PGM2: variants seen among roughly 807,000 people sequenced by gnomAD.
PGM2 encodes the protein phosphopentomutase.
Under a neutral mutation model 74.6 loss-of-function variants are expected in PGM2, and 57 were observed. That is an observed-to-expected ratio of 0.76 (90% CI 0.62 to 0.95). The LOEUF (loss-of-function observed/expected upper bound fraction) is 0.95, where lower values mean the gene tolerates loss of function less well. PGM2 is among the 40% of genes least tolerant of loss of function. The pLI, the probability that PGM2 is intolerant of heterozygous loss-of-function variation, is 0.00. For missense variants in PGM2, 706 were observed against 741.9 expected (o/e 0.95, Z 0.56); for synonymous variants, 273 against 260.7 (o/e 1.05, Z -0.46).
At chr4:37,861,439 A>T (rs926259074) in intron 13 of PGM2, 71 bp from the exon 14 acceptor site, 5 of 963,708 alleles carry the variant, frequency 5.2e-6, no homozygotes, top group Non-Finnish European at 6.7e-6. Flanking sequence ...CACTTGGTCA[A>T]TGGGGGGAGC....
At position 37,850,328 on chromosome 4, in the gene PGM2, G is replaced by A; in HGVS notation, c.1557G>A (p.Arg519=). Residue 519 remains arginine (R), a synonymous_variant, in exon 12 of 14, where the codon AGG becomes AGA. Transcript: ENST00000381967. ...GCAAATTTGAAATTTCTGCCATTAG[G>A]GACCTTACAACTGGCTATGATGATA... ...ACGKFEISAI[R]DLTTGYDDSQ... is the part of the protein sequence containing the mutation. 3 of 1,586,074 alleles carry A rather than the reference G, an allele frequency of 1.9e-6. No individual in the cohort carries two copies. The highest frequency in any genetic ancestry group is 2.6e-6 in the Non-Finnish European group (3 of 1,171,778).
rs1202149456 is a variant in PGM2 at position 37,841,100 on chromosome 4, A to ATATATATATATATATATG, written c.719+842_719+843insATATATATATATATATGT. On this transcript the variant is annotated intron_variant, in intron 6 of 13. Transcript: ENST00000381967. ...TATATATATATATATATATATATAT[A>ATATATATATATATATATG]TGTGTGTGTGTGTGTTTGTATATGT... is the stretch of plus-strand genomic sequence containing the variant. 3.6e-3 allele frequency among the ~76,000 whole-genome samples: 418 copies of ATATATATATATATATATG among 115,528 alleles called. 6 individuals are homozygous for ATATATATATATATATATG. The highest frequency in any genetic ancestry group is 0.018 in the Admixed American group (163 of 9,280). 75.8% of individuals were successfully genotyped at this position (115,528 alleles called of 152,430 possible). A position where few individuals can be genotyped will look rare whatever the true frequency, so the allele number is the denominator to read the frequency against.
Position 37,844,545 on chromosome 4 carries a change from G to T in PGM2, c.901G>T (p.Gly301Cys). Residue 301 changes from glycine to cysteine, a missense_variant, in exon 7 of 14, where the codon GGT becomes TGT. Around this residue, in one of 3 missense-constraint regions of PGM2, gnomAD observed 359 missense variants for 371.1 expected, o/e 0.97. Transcript: ENST00000381967. ...VKYPNPEEGKGVLTLSFALAD... is the reference protein window; with the variant it reads ...VKYPNPEEGKCVLTLSFALAD... ...ATACCCGAATCCCGAAGAGGGGAAA[G>T]GTGTCTTGGTAACCTAATTTTTTTT... 2 of 1,597,742 alleles carry T rather than the reference G, an allele frequency of 1.3e-6. No individual in the cohort carries two copies. The highest frequency in any genetic ancestry group is 1.7e-6 in the Non-Finnish European group (2 of 1,172,172).
In PGM2 at chr4:37,846,863, A is replaced by G. The variant is rs1031897108; in HGVS notation, c.1008-68A>G. 12 of 1,270,614 alleles carry G rather than the reference A, an allele frequency of 9.4e-6. No individual in the cohort carries two copies. The African/African-American group carries it at 1.4e-4, about 14-fold the overall frequency. The allele number at this position is 1,270,614 out of a possible 1,614,324, so 78.7% of individuals were successfully genotyped here. ...TTGTTTGCTAAATTGTTTTATCCCCATGACACTTTAGAGTCTTCCTTAAGA... is the reference window on the plus strand; with the variant it reads ...TTGTTTGCTAAATTGTTTTATCCCCGTGACACTTTAGAGTCTTCCTTAAGA... On this transcript the variant is annotated intron_variant, in intron 8 of 13. Coordinates refer to ENST00000381967, the MANE Select transcript of PGM2 (RefSeq NM_018290.4).
At position 37,844,545 on chromosome 4, in the gene PGM2, G is replaced by A. The variant is rs1237010233; in HGVS notation, c.901G>A (p.Gly301Ser). The A allele has an allele frequency of 6.3e-7, 1 of 1,597,624 alleles. No homozygotes were observed. The highest frequency in any genetic ancestry group is 1.4e-5 in the African/African-American group (1 of 74,032). Reference protein sequence around the residue: ...VKYPNPEEGKGVLTLSFALAD... With the variant: ...VKYPNPEEGKSVLTLSFALAD... Reference sequence around the variant, plus strand: ...ATACCCGAATCCCGAAGAGGGGAAAGGTGTCTTGGTAACCTAATTTTTTTT... The same window carrying A: ...ATACCCGAATCCCGAAGAGGGGAAAAGTGTCTTGGTAACCTAATTTTTTTT... The change falls in exon 7 of 14, where the codon GGT becomes AGT. Residue 301 changes from glycine to serine, a missense_variant. By Grantham distance (56) the Gly-to-Ser change is moderately conservative (BLOSUM62 0). Transcript: ENST00000381967.
intron 2 of PGM2, among the ~76,000 whole-genome samples, chr4:37,830,856 G>A (rs1343690144): frequency 6.6e-6 from 1 of 152,134 alleles, no homozygotes; most frequent in African/African-American, 2.4e-5. Flanking sequence ...AGCTGGGCAT[G>A]TTGTAACAAA....
Position 37,861,230 on chromosome 4 carries a change from G to A in PGM2, c.1737-280G>A, listed in dbSNP as rs115973324. ...TTAGGGATGCTAGGCCAAAAATTGT[G>A]TTTCTTACAAAGTCTTATGAGAAGA... On this transcript the variant is annotated intron_variant, in intron 13 of 13. Coordinates refer to ENST00000381967, the MANE Select transcript of PGM2 (RefSeq NM_018290.4). Among the ~76,000 whole-genome samples the A allele has an allele frequency of 4.9e-3, 750 of 152,228 alleles. 6 individuals carry two copies. Among genetic ancestry groups the A allele is most frequent in the African/African-American group, 0.017 (720 of 41,548 alleles).
intron 3 of PGM2, among the ~76,000 whole-genome samples, chr4:37,836,862 GGT>G (rs57338198): frequency 4.7e-5 from 7 of 150,508 alleles, no homozygotes; most frequent in South Asian, 4.2e-4. Flanking sequence ...TATGTGTATG[GGT>G]GTGTGTGTGT....
At chr4:37,853,436 T>TA in intron 12 of PGM2, among the ~76,000 whole-genome samples, 1 of 151,192 alleles carries the variant, frequency 6.6e-6, no homozygotes, top group Non-Finnish European at 1.5e-5. Flanking sequence ...TATAGTTTTT[T>TA]AAAAATATAT....
intron 12 of PGM2, among the ~76,000 whole-genome samples, chr4:37,853,320 T>C (rs1726103557): frequency 6.6e-6 from 1 of 150,764 alleles, no homozygotes; most frequent in South Asian, 2.1e-4. Flanking sequence ...TTTAGTTTAG[T>C]AGAGACAGGA....
intron 4 of PGM2, 153 bp from the exon 5 acceptor site, chr4:37,839,695 C>T (rs779151910): frequency 3.0e-5 from 21 of 698,678 alleles, no homozygotes; most frequent in South Asian, 2.7e-4. Flanking sequence ...TAATTGCATA[C>T]TGCTGGGGTG....
At chr4:37,854,250 T>A (rs1395808263) in intron 12 of PGM2, among the ~76,000 whole-genome samples, 1 of 152,214 alleles carries the variant, frequency 6.6e-6, no homozygotes, top group African/African-American at 2.4e-5. Context: ...TTGGGACCTA[T>A]CAAATATAAA....
intron 4 of PGM2, 79 bp from the exon 5 acceptor site, chr4:37,839,769 C>G: frequency 2.5e-6 from 2 of 809,196 alleles, no homozygotes; most frequent in Non-Finnish European, 4.3e-6. Context: ...TTGGCATGAA[C>G]AGTATAAAAT....
chr4:37,835,443 A>G (rs2553291), intron 3 of PGM2, among the ~76,000 whole-genome samples: 50,669 of 152,056 alleles, frequency 0.33, 11,165 homozygotes, highest in African/African-American at 0.63. Context: ...ATGCATAAAC[A>G]CAGGAGCATG....
rs754589216 is a variant in PGM2 at position 37,837,563 on chromosome 4, CAG to C, written c.392_393del (p.Gln131ArgfsTer9). ...ARLAATTFIS[Q>X]GIPVYLFSDI... ...ACTTGCTGCAACCACATTTATCAGT[CAG>C]GGGATTCCTGTGTACCTCTTTTCTG... On this transcript the variant is annotated frameshift_variant, in exon 4 of 14. Transcript: ENST00000381967. LOFTEE classifies it high-confidence loss of function. The C allele has an allele frequency of 2.5e-6, 4 of 1,613,384 alleles. No individual in the cohort carries two copies. Among genetic ancestry groups the C allele is most frequent in the Admixed American group, 1.7e-5 (1 of 60,022 alleles).
At chr4:37,835,636 G>A (rs2608308) in intron 3 of PGM2, among the ~76,000 whole-genome samples, 50,649 of 152,022 alleles carry the variant, frequency 0.33, 11,161 homozygotes, top group African/African-American at 0.63. Context: ...TTAATGAAAA[G>A]TCTTATTAGC....
Position 37,857,700 on chromosome 4 carries a change from T to G in PGM2, c.1736+1959T>G, listed in dbSNP as rs1209851578. On this transcript the variant is annotated intron_variant, in intron 13 of 13. Transcript: ENST00000381967. ...AGTCATGGGACTATGTAATATATTT[T>G]CACTATGGATTCCCATTCAAAACCT... Among the ~76,000 whole-genome samples the G allele has an allele frequency of 2.0e-5, 3 of 152,212 alleles. No individual in the cohort carries two copies. The East Asian group carries it at 5.8e-4, about 29-fold the overall frequency.
chr4:37,861,006 C>G (rs1290412314), intron 13 of PGM2, among the ~76,000 whole-genome samples: 1 of 152,080 alleles, frequency 6.6e-6, no homozygotes, highest in Non-Finnish European at 1.5e-5. Context: ...CTCCCTATTG[C>G]TGTTCATTCT....
chr4:37,846,055 C>T (rs1430211429), intron 8 of PGM2, among the ~76,000 whole-genome samples: 1 of 152,096 alleles, frequency 6.6e-6, no homozygotes, highest in African/African-American at 2.4e-5. Context: ...GGGTAAAGCA[C>T]TTTGGTGCTA....
Sources: gnomAD v4.1 joint callset for allele counts (sites outside exome capture counted in the v4.1 genomes callset) on GRCh38, gnomAD v4.1.1 for gene constraint, gnomAD v4.1.1 regional missense constraint, MANE v1.5 for transcripts, NCBI Gene and HGNC (gene_info 2026-07-23, HGNC 2026-07-21) for gene names.